MARCHF1: variants seen among roughly 807,000 people sequenced by gnomAD.
The protein encoded by MARCHF1 is E3 ubiquitin-protein ligase MARCHF1.
MARCHF1 carries 40 observed loss-of-function variants against 54.2 expected under a neutral mutation model. The observed-to-expected ratio is 0.74, with a 90% CI of 0.57 to 0.96. The LOEUF (loss-of-function observed/expected upper bound fraction) is 0.96. Among genes scored for constraint, MARCHF1 ranks in the 40% least tolerant of loss-of-function variants. MARCHF1 has a pLI of 0.00. For synonymous variants in MARCHF1, 236 were observed against 236.3 expected (o/e 1.00, Z 0.01); for missense variants, 586 against 656.5 (o/e 0.89, Z 1.17).
Position 163,865,064 on chromosome 4 carries a change from A to C in MARCHF1, c.-38-10895T>G, listed in dbSNP as rs77416886. ...TTCCACTCCCGTCTCTCTTTAAATA[A>C]GGGAATTTGGTATGAAACTAAAATT... On this transcript the variant is annotated intron_variant, in intron 3 of 9. Coordinates refer to ENST00000514618, the MANE Select transcript of MARCHF1 (RefSeq NM_001394959.1). 3.9e-3 allele frequency among the ~76,000 whole-genome samples: 597 copies of C among 152,066 alleles called. 8 individuals are homozygous for C. The highest frequency in any genetic ancestry group is 0.032 in the Admixed American group (492 of 15,244).
chr4:164,192,071 T>C (rs1560947028), intron 1 of MARCHF1, among the ~76,000 whole-genome samples: 1 of 152,070 alleles, frequency 6.6e-6, no homozygotes, highest in Non-Finnish European at 1.5e-5. Flanking sequence ...CCTCACTAAG[T>C]AAATATTAGG....
chr4:163,888,482 A>G (rs939495538), intron 3 of MARCHF1, among the ~76,000 whole-genome samples: 1 of 152,202 alleles, frequency 6.6e-6, no homozygotes, highest in Non-Finnish European at 1.5e-5. Flanking sequence ...TTTGAGTTCC[A>G]TATTCCCAAA....
At chr4:164,027,567 A>G (rs1371147049) in intron 2 of MARCHF1, among the ~76,000 whole-genome samples, 1 of 151,960 alleles carries the variant, frequency 6.6e-6, no homozygotes, top group Non-Finnish European at 1.5e-5. Flanking sequence ...ATGAAACTGT[A>G]CCCCTACATT....
At chr4:163,542,762 G>A (rs1482012885) in intron 9 of MARCHF1, among the ~76,000 whole-genome samples, 3 of 152,210 alleles carry the variant, frequency 2.0e-5, no homozygotes, top group Admixed American at 6.5e-5. Context: ...TGCATTTCTA[G>A]TGAACGCCCA....
chr4:164,114,573 T>C (rs1292044838), intron 1 of MARCHF1, among the ~76,000 whole-genome samples: 1 of 151,604 alleles, frequency 6.6e-6, no homozygotes, highest in African/African-American at 2.4e-5. Context: ...TAAAATTTGC[T>C]TTTTCCCAGT....
intron 3 of MARCHF1, among the ~76,000 whole-genome samples, chr4:163,895,241 T>C (rs565610190): frequency 3.9e-5 from 6 of 152,314 alleles, no homozygotes; most frequent in South Asian, 2.1e-4. Flanking sequence ...ATGATTAAGA[T>C]GTCTATTTAT....
intron 3 of MARCHF1, among the ~76,000 whole-genome samples, chr4:163,982,814 C>A (rs1487951543): frequency 6.6e-6 from 1 of 152,054 alleles, no homozygotes; most frequent in Non-Finnish European, 1.5e-5. Context: ...TACAAGCCAC[C>A]CATTAGGAGA....
At chr4:163,539,777 TA>T (rs1271738775) in intron 9 of MARCHF1, among the ~76,000 whole-genome samples, 14 of 152,224 alleles carry the variant, frequency 9.2e-5, no homozygotes, top group African/African-American at 3.4e-4. Flanking sequence ...AAAACACCCT[TA>T]AATGCTTAAG....
At chr4:164,225,737 G>A (rs1319758117) in intron 1 of MARCHF1, among the ~76,000 whole-genome samples, 1 of 151,934 alleles carries the variant, frequency 6.6e-6, no homozygotes, top group Non-Finnish European at 1.5e-5. Context: ...TATTATTAAT[G>A]GGAATGCAAA....
chr4:163,665,386 TTCA>T (rs1743497110), intron 5 of MARCHF1, among the ~76,000 whole-genome samples: 1 of 152,128 alleles, frequency 6.6e-6, no homozygotes, highest in Non-Finnish European at 1.5e-5. Flanking sequence ...GGCCTACAAG[TTCA>T]GATGTTCTTA....
At chr4:163,643,191 A>G (rs188076214) in intron 5 of MARCHF1, among the ~76,000 whole-genome samples, 2 of 149,826 alleles carry the variant, frequency 1.3e-5, no homozygotes, top group Admixed American at 6.7e-5. Flanking sequence ...GCCAAGTGGT[A>G]GTGGTGCACG....
At chr4:164,031,120 G>T (rs1024155835) in intron 2 of MARCHF1, among the ~76,000 whole-genome samples, 1 of 152,158 alleles carries the variant, frequency 6.6e-6, no homozygotes, top group Non-Finnish European at 1.5e-5. Flanking sequence ...GCATAGGAGT[G>T]GTGACAGAAG....
intron 1 of MARCHF1, among the ~76,000 whole-genome samples, chr4:164,174,294 T>C (rs1011253236): frequency 6.6e-6 from 1 of 151,774 alleles, no homozygotes; most frequent in Non-Finnish European, 1.5e-5. Flanking sequence ...AGTAAAAGAG[T>C]GTTATGTAAG....
chr4:164,089,972 A>G (rs1579524064), intron 2 of MARCHF1, among the ~76,000 whole-genome samples: 1 of 151,290 alleles, frequency 6.6e-6, no homozygotes, highest in Non-Finnish European at 1.5e-5. Context: ...TAATATATAT[A>G]TATTTCTGTA....
At chr4:163,687,144 A>C (rs1205091578) in intron 5 of MARCHF1, among the ~76,000 whole-genome samples, 2 of 152,180 alleles carry the variant, frequency 1.3e-5, no homozygotes, top group Non-Finnish European at 2.9e-5. Flanking sequence ...GGAAACAAGA[A>C]AGTACTTAAA....
intron 3 of MARCHF1, among the ~76,000 whole-genome samples, chr4:163,922,293 G>A (rs1298695020): frequency 1.3e-5 from 2 of 152,070 alleles, no homozygotes; most frequent in East Asian, 3.9e-4. Flanking sequence ...CAGCACACCA[G>A]CATGGTACAT....
At chr4:163,710,246 A>G (rs1182925141) in intron 4 of MARCHF1, among the ~76,000 whole-genome samples, 1 of 152,174 alleles carries the variant, frequency 6.6e-6, no homozygotes, top group Non-Finnish European at 1.5e-5. Flanking sequence ...CTATCCTATA[A>G]AAAGAAGACA....
intron 4 of MARCHF1, among the ~76,000 whole-genome samples, chr4:163,834,609 C>A (rs943477730): frequency 1.6e-5 from 2 of 124,104 alleles, no homozygotes; most frequent in East Asian, 5.5e-4. Flanking sequence ...CCCCTCCCCC[C>A]ACCCCACAAC....
At chr4:163,576,132 G>A (rs143084421) in intron 8 of MARCHF1, among the ~76,000 whole-genome samples, 174 of 152,044 alleles carry the variant, frequency 1.1e-3, no homozygotes, top group African/African-American at 4.2e-3. Context: ...TGTGATGTTA[G>A]ATTGTTAATT....
Sources: gnomAD v4.1 joint callset for allele counts (sites outside exome capture counted in the v4.1 genomes callset) on GRCh38, gnomAD v4.1.1 for gene constraint, MANE v1.5 for transcripts, NCBI Gene and HGNC (gene_info 2026-07-23, HGNC 2026-07-21) for gene names.